The following RBM6 variants were observed in gnomAD, a reference collection of about 807,000 sequenced individuals.
The protein encoded by RBM6 is RNA-binding protein 6.
Under a neutral mutation model 140.4 loss-of-function variants are expected in RBM6, and 23 were observed. The observed-to-expected ratio is 0.16, with a 90% confidence interval of 0.12 to 0.23. RBM6 has a LOEUF of 0.23. RBM6 is among the 10% of genes least tolerant of loss of function. The probability of loss-of-function intolerance (pLI) is 1.00; values close to 1 mark genes in which losing one functional copy is unlikely to be tolerated. For synonymous variants in RBM6, 439 were observed against 475.6 expected (o/e 0.92, Z 1.00); for missense variants, 1,139 against 1,386.7 (o/e 0.82, Z 2.84).
chr3:49,946,146 G>A (rs145742379), intron 1 of RBM6, among the ~76,000 whole-genome samples: 1 of 152,044 alleles, frequency 6.6e-6, no homozygotes, highest in African/African-American at 2.4e-5. Flanking sequence ...TCCACTCCAT[G>A]GTATTTTGTT....
intron 5 of RBM6, among the ~76,000 whole-genome samples, chr3:49,985,874 G>A (rs947281384): frequency 1.6e-4 from 24 of 152,112 alleles, no homozygotes; most frequent in African/African-American, 5.3e-4. Flanking sequence ...CCAAAGTGCT[G>A]GGTTTACAGG....
At chr3:49,980,780 A>AAG (rs1391822405) in intron 5 of RBM6, among the ~76,000 whole-genome samples, 2 of 150,956 alleles carry the variant, frequency 1.3e-5, no homozygotes, top group Non-Finnish European at 3.0e-5. Context: ...AAAAAAAAAA[A>AAG]GTTGAACCTG....
At chr3:49,980,126 T>A (rs1272204662) in intron 5 of RBM6, among the ~76,000 whole-genome samples, 2 of 151,890 alleles carry the variant, frequency 1.3e-5, no homozygotes, top group Non-Finnish European at 2.9e-5. Context: ...CTTAACTTCC[T>A]GAGTAGCTGG....
intron 6 of RBM6, among the ~76,000 whole-genome samples, chr3:50,039,397 A>G (rs1018385990): frequency 6.6e-6 from 1 of 150,704 alleles, no homozygotes; most frequent in African/African-American, 2.4e-5. Context: ...CCATTACCAC[A>G]CCCAGCTAAT....
rs2084545775 is a variant in RBM6, at chr3:49,967,063, A to G, written c.45-407A>G. On this transcript the variant is annotated intron_variant, in intron 2 of 20. Coordinates refer to ENST00000266022, the MANE Select transcript of RBM6 (RefSeq NM_005777.3). The surrounding 1 kb of genome is among the most constrained non-coding windows in gnomAD (Gnocchi z 4.0). ...ACTTACTGTAAGAAATTTACAGTGC[A>G]TTGATTTTTCTGATATATAGGAATC... 3 of 217,798 alleles carry G rather than the reference A, an allele frequency of 1.4e-5. No individual in the cohort carries two copies. The highest frequency in any genetic ancestry group is 2.5e-5 in the Non-Finnish European group (3 of 122,334). 13.5% of individuals were successfully genotyped at this position (217,798 alleles called of 1,614,324 possible). A position where few individuals can be genotyped will look rare whatever the true frequency, so the allele number is the denominator to read the frequency against.
intron 5 of RBM6, among the ~76,000 whole-genome samples, chr3:49,990,039 A>G (rs1023825693): frequency 5.3e-5 from 8 of 152,252 alleles, no homozygotes. Flanking sequence ...GAGCCACTGC[A>G]CCTGGCCTTT....
chr3:50,051,979 G>A (rs1039226446), intron 7 of RBM6, among the ~76,000 whole-genome samples: 2 of 152,202 alleles, frequency 1.3e-5, no homozygotes, highest in Non-Finnish European at 2.9e-5. Context: ...TGATGAAAAT[G>A]TTTCAGAATT....
chr3:50,010,847 G>A (rs1211376783), intron 6 of RBM6, among the ~76,000 whole-genome samples: 1 of 139,772 alleles, frequency 7.2e-6, no homozygotes, highest in African/African-American at 2.7e-5. Context: ...AGGTTGCAGT[G>A]AGCTGAGATT....
At chr3:50,068,910 A>G (rs754635799) in intron 18 of RBM6, 146 bp downstream of exon 18, 22 of 613,948 alleles carry the variant, frequency 3.6e-5, no homozygotes, top group Middle Eastern at 3.8e-4. Flanking sequence ...GCCAAATTAT[A>G]TAATACAATC....
intron 6 of RBM6, among the ~76,000 whole-genome samples, chr3:50,043,068 G>A (rs2089017514): frequency 6.6e-6 from 1 of 152,186 alleles, no homozygotes; most frequent in Non-Finnish European, 1.5e-5. Flanking sequence ...TAATATCCAT[G>A]TGTGACTTTG....
At chr3:50,076,392 C>T (rs2108965600) in intron 20 of RBM6, among the ~76,000 whole-genome samples, 1 of 151,186 alleles carries the variant, frequency 6.6e-6, no homozygotes, top group East Asian at 2.0e-4. Flanking sequence ...ACCAGCCTGA[C>T]CAATATGATG....
chr3:50,016,366 G>T (rs1302144561), intron 6 of RBM6, among the ~76,000 whole-genome samples: 2 of 152,084 alleles, frequency 1.3e-5, no homozygotes, highest in Admixed American at 1.3e-4. Flanking sequence ...TGGATGAATG[G>T]ATATCATGGC....
intron 6 of RBM6, among the ~76,000 whole-genome samples, chr3:50,004,252 C>T (rs1420546269): frequency 6.6e-6 from 1 of 151,450 alleles, no homozygotes; most frequent in African/African-American, 2.4e-5. Context: ...TTCTCCTTTC[C>T]CCTTTCCTTT....
chr3:50,007,693 C>T (rs952571492), intron 6 of RBM6, among the ~76,000 whole-genome samples: 30 of 151,808 alleles, frequency 2.0e-4, no homozygotes, highest in Non-Finnish European at 3.8e-4. Flanking sequence ...CCACCACACC[C>T]GGCTAATTTT....
At chr3:50,038,939 T>C (rs567232698) in intron 6 of RBM6, among the ~76,000 whole-genome samples, 5 of 152,220 alleles carry the variant, frequency 3.3e-5, no homozygotes, top group Admixed American at 1.3e-4. Context: ...GCCTCTCTTT[T>C]ATCTGGGACT....
At chr3:50,035,952 G>A (rs1412542824) in intron 6 of RBM6, among the ~76,000 whole-genome samples, 1 of 152,014 alleles carries the variant, frequency 6.6e-6, no homozygotes, top group Non-Finnish European at 1.5e-5. Context: ...AATAGAGACA[G>A]GGTTTCACCA....
In RBM6 at chr3:49,968,451, A is replaced by G; in HGVS notation, c.1026A>G (p.Gly342=). ...TTGAGCATTCAGAAACAAGAGAAGG[A>G]GAAACACAAGGTGTAGCCTTTGAAC... ...GEFEHSETRE[G]ETQGVAFEHE... Residue 342 remains glycine, a synonymous_variant, in exon 3 of 21, where the codon GGA becomes GGG. Coordinates refer to ENST00000266022, the MANE Select transcript of RBM6 (RefSeq NM_005777.3). 3.1e-6 allele frequency: 5 copies of G among 1,614,236 alleles called. No individual in the cohort carries two copies. Among genetic ancestry groups the G allele is most frequent in the Non-Finnish European group, 4.2e-6 (5 of 1,180,042 alleles).
chr3:50,024,759 C>T (rs58810631), intron 6 of RBM6, among the ~76,000 whole-genome samples: 1,542 of 152,222 alleles, frequency 0.01, 33 homozygotes, highest in African/African-American at 0.035. Context: ...CAAGACCATC[C>T]TGGCTAACAC....
chr3:49,946,976 A>G (rs568537934), intron 1 of RBM6, among the ~76,000 whole-genome samples: 1 of 148,872 alleles, frequency 6.7e-6, no homozygotes, highest in Admixed American at 6.8e-5. Context: ...GGCTATTTGC[A>G]TATTCTCTTT....
Sources: allele counts gnomAD v4.1 joint callset (sites outside exome capture counted in the v4.1 genomes callset), GRCh38; gene constraint gnomAD v4.1.1; non-coding constraint Gnocchi (gnomAD v3.1); transcripts MANE v1.5; gene names NCBI Gene and HGNC (gene_info 2026-07-23, HGNC 2026-07-21).